The following PAMR1 variants were observed in gnomAD, a reference collection of about 807,000 sequenced individuals.
PAMR1 encodes the protein peptidase domain containing associated with muscle regeneration 1, also known as inactive serine protease PAMR1.
A neutral mutation model predicts 81.8 loss-of-function variants in PAMR1; 88 were observed. The ratio of observed to expected loss-of-function variants is 1.08; its 90% CI spans 0.91 to 1.28. The LOEUF is 1.28. Ranked by LOEUF, PAMR1 falls within the 50% of genes most tolerant of loss-of-function variation. The pLI, the probability that PAMR1 is intolerant of heterozygous loss-of-function variation, is 0.00. For missense variants in PAMR1, 935 were observed against 919.7 expected, an observed-to-expected ratio of 1.02 and a Z score of -0.21; for synonymous variants, 336 against 345.3, an observed-to-expected ratio of 0.97 and a Z score of 0.30.
intron 6 of PAMR1, 21 bp from the exon 7 acceptor site, chr11:35,441,714 A>G: frequency 6.5e-7 from 1 of 1,529,266 alleles, no homozygotes; most frequent in Non-Finnish European, 8.9e-7. Context: ...GTAAAAGAAA[A>G]GGAGAATTGT....
At chr11:35,494,374 C>A in intron 1 of PAMR1, 102 bp from the exon 2 acceptor site, 1 of 1,036,918 alleles carries the variant, frequency 9.6e-7, no homozygotes, top group Non-Finnish European at 1.4e-6. Context: ...TGCTCTGTCG[C>A]CCAGGCTGGA....
intron 3 of PAMR1, among the ~76,000 whole-genome samples, chr11:35,479,924 T>C (rs995086001): frequency 1.3e-5 from 2 of 152,232 alleles, no homozygotes; most frequent in Non-Finnish European, 2.9e-5. Context: ...GCCTGGTTCA[T>C]AGTAAGTACT....
chr11:35,522,172 C>T (rs920478944), intron 1 of PAMR1, among the ~76,000 whole-genome samples: 36 of 152,158 alleles, frequency 2.4e-4, no homozygotes, highest in Non-Finnish European at 3.7e-4. Flanking sequence ...TCTGCCCGCC[C>T]TGGCCTCCCA....
chr11:35,446,961 A>G (rs1856305610), intron 6 of PAMR1, among the ~76,000 whole-genome samples: 1 of 152,018 alleles, frequency 6.6e-6, no homozygotes, highest in South Asian at 2.1e-4. Flanking sequence ...TTTGTATGGG[A>G]GTGTAAGTCT....
rs558695404 is a variant in PAMR1, at chr11:35,476,625, C to T, written c.380-1881G>A. ...CCCAGTCTCAGATATTTCTACATAG[C>T]AGAGTGAAAACAAATACACCCGCCA... On this transcript the variant is annotated intron_variant, in intron 3 of 10. Coordinates refer to ENST00000619888, the MANE Select transcript of PAMR1 (RefSeq NM_001001991.3). Among the ~76,000 whole-genome samples, 18 of 152,312 alleles carry T rather than the reference C, an allele frequency of 1.2e-4. No individual in the cohort carries two copies. In the South Asian group the frequency reaches 2.5e-3, roughly 21 times the overall value.
At chr11:35,510,769 A>G (rs2135418130) in intron 1 of PAMR1, among the ~76,000 whole-genome samples, 1 of 152,292 alleles carries the variant, frequency 6.6e-6, no homozygotes, top group South Asian at 2.1e-4. Flanking sequence ...TAGTCTTTAT[A>G]CGAAATTTTA....
At chr11:35,441,907 T>C (rs1158266431) in intron 6 of PAMR1, among the ~76,000 whole-genome samples, 1 of 152,200 alleles carries the variant, frequency 6.6e-6, no homozygotes, top group Non-Finnish European at 1.5e-5. Flanking sequence ...AAAATCTCAT[T>C]CTATATATAA....
intron 6 of PAMR1, among the ~76,000 whole-genome samples, chr11:35,464,708 C>T (rs1040325852): frequency 6.6e-6 from 1 of 152,198 alleles, no homozygotes; most frequent in African/African-American, 2.4e-5. Context: ...GAATATCCTC[C>T]AAGTTCTTAC....
At chr11:35,519,421 G>A (rs185593700) in intron 1 of PAMR1, among the ~76,000 whole-genome samples, 147 of 58,304 alleles carry the variant, frequency 2.5e-3, no homozygotes, top group African/African-American at 0.01. Flanking sequence ...CATACACAAT[G>A]TCAGGGCCAC....
intron 5 of PAMR1, among the ~76,000 whole-genome samples, chr11:35,469,822 C>A (rs897993959): frequency 6.6e-6 from 1 of 151,922 alleles, no homozygotes; most frequent in South Asian, 2.1e-4. Flanking sequence ...TTAAATCAAA[C>A]TTCAAGCCTG....
intron 6 of PAMR1, among the ~76,000 whole-genome samples, chr11:35,455,780 A>T (rs73446924): frequency 6.6e-6 from 1 of 152,066 alleles, no homozygotes; most frequent in Non-Finnish European, 1.5e-5. Flanking sequence ...ATGTTTTTCT[A>T]TATGTTTAAT....
At chr11:35,436,185 A>T (rs1565324072) in intron 8 of PAMR1, 50 bp from the exon 9 acceptor site, 6 of 1,212,370 alleles carry the variant, frequency 4.9e-6, no homozygotes, top group Non-Finnish European at 7.3e-6. Flanking sequence ...AGAGAAAGTC[A>T]CTGTGGCCTC....
intron 3 of PAMR1, among the ~76,000 whole-genome samples, chr11:35,488,669 CTTT>C (rs34053329): frequency 9.3e-5 from 4 of 42,932 alleles, no homozygotes; most frequent in South Asian, 9.8e-4. Context: ...CAAATCTTGC[CTTT>C]TTTTTTTTTT....
intron 6 of PAMR1, among the ~76,000 whole-genome samples, chr11:35,447,738 C>T (rs1195977152): frequency 6.6e-6 from 1 of 152,132 alleles, no homozygotes. Flanking sequence ...TTTCATAGTG[C>T]CTTGGTCTGT....
At chr11:35,454,946 G>T (rs376869836) in intron 6 of PAMR1, among the ~76,000 whole-genome samples, 21 of 152,344 alleles carry the variant, frequency 1.4e-4, no homozygotes, top group African/African-American at 4.6e-4. Flanking sequence ...AATCTGCCAT[G>T]AGATGATTCC....
At chr11:35,517,883 G>T (rs1851196842) in intron 1 of PAMR1, among the ~76,000 whole-genome samples, 1 of 152,212 alleles carries the variant, frequency 6.6e-6, no homozygotes, top group Admixed American at 6.5e-5. Flanking sequence ...CATGAATATG[G>T]ACATGGGAGC....
chr11:35,497,041 C>G (rs944841471), intron 1 of PAMR1, among the ~76,000 whole-genome samples: 1 of 152,136 alleles, frequency 6.6e-6, no homozygotes, highest in African/African-American at 2.4e-5. Flanking sequence ...GTGGTGCACA[C>G]CTGTAATCCC....
intron 1 of PAMR1, among the ~76,000 whole-genome samples, chr11:35,518,502 G>A (rs1414519449): frequency 6.6e-6 from 1 of 151,418 alleles, no homozygotes; most frequent in East Asian, 2.0e-4. Context: ...AGTTTTCCAA[G>A]CTGTATTCCA....
chr11:35,434,887 A>T, intron 9 of PAMR1, 83 bp from the exon 10 acceptor site: 1 of 1,384,626 alleles, frequency 7.2e-7, no homozygotes, highest in East Asian at 2.3e-5. Flanking sequence ...AGAGAGCACA[A>T]ATCTGGAAAG....
Sources: allele counts gnomAD v4.1 joint callset (sites outside exome capture counted in the v4.1 genomes callset), GRCh38; gene constraint gnomAD v4.1.1; transcripts MANE v1.5; gene names NCBI Gene and HGNC (gene_info 2026-07-23, HGNC 2026-07-21).